Variants in OPCML observed in about 807,000 individuals in gnomAD.
OPCML encodes opioid-binding protein/cell adhesion molecule.
OPCML carries 13 observed loss-of-function variants against 37.8 expected under a neutral mutation model. The observed-to-expected ratio is 0.34, with a 90% CI of 0.22 to 0.55. OPCML has a LOEUF of 0.55. OPCML is among the 20% of genes least tolerant of loss of function. OPCML has a pLI of 0.91. For missense variants in OPCML, 341 were observed against 435.6 expected, an observed-to-expected ratio of 0.78 and a Z score of 1.93; for synonymous variants, 176 against 168.8, an observed-to-expected ratio of 1.04 and a Z score of -0.33.
intron 2 of OPCML, among the ~76,000 whole-genome samples, chr11:132,849,038 C>T (rs1476965091): frequency 6.6e-6 from 1 of 152,188 alleles, no homozygotes; most frequent in East Asian, 1.9e-4. Flanking sequence ...GGGACCACAG[C>T]ATGATGATGA....
chr11:132,599,401 G>T (rs1212417802), intron 3 of OPCML, among the ~76,000 whole-genome samples: 1 of 146,698 alleles, frequency 6.8e-6, no homozygotes, highest in Admixed American at 6.8e-5. Flanking sequence ...GGAAGAAGGA[G>T]GAAGAAGGAG....
chr11:132,853,872 T>G (rs796759816), intron 2 of OPCML, among the ~76,000 whole-genome samples: 15 of 151,998 alleles, frequency 9.9e-5, no homozygotes, highest in African/African-American at 3.1e-4. Context: ...GTGCAGGGAG[T>G]TTTCCCCACT....
intron 1 of OPCML, among the ~76,000 whole-genome samples, chr11:133,333,500 G>T (rs975551225): frequency 2.0e-5 from 3 of 152,156 alleles, no homozygotes; most frequent in African/African-American, 7.2e-5. Context: ...AACTCAAGAT[G>T]AATTAAAGGC....
chr11:133,483,670 TAGATGATA>T (rs1159824922), intron 1 of OPCML, among the ~76,000 whole-genome samples: 1 of 140,286 alleles, frequency 7.1e-6, no homozygotes, highest in African/African-American at 2.7e-5. Flanking sequence ...ATTAGATAAA[TAGATGATA>T]GATAGATAGA....
intron 3 of OPCML, among the ~76,000 whole-genome samples, chr11:132,627,845 C>A (rs1157664745): frequency 6.6e-6 from 1 of 152,148 alleles, no homozygotes; most frequent in Admixed American, 6.5e-5. Context: ...AATCGAAGCT[C>A]ATTTCCATAA....
At chr11:132,500,782 C>T (rs576829021) in intron 4 of OPCML, among the ~76,000 whole-genome samples, 8 of 152,160 alleles carry the variant, frequency 5.3e-5, no homozygotes, top group Non-Finnish European at 1.2e-4. Flanking sequence ...TCATCTCCCA[C>T]TTATGAGTGA....
intron 2 of OPCML, among the ~76,000 whole-genome samples, chr11:132,781,954 A>ATATAT (rs1276466419): frequency 4.6e-5 from 5 of 107,774 alleles, no homozygotes; most frequent in Admixed American, 2.0e-4. Flanking sequence ...ATATATATAT[A>ATATAT]TTTTTTTTTT....
chr11:133,007,689 G>A (rs1947138230), intron 1 of OPCML: 8 of 985,260 alleles, frequency 8.1e-6, no homozygotes, highest in Non-Finnish European at 9.6e-6. Context: ...GAGAGATGAA[G>A]AAATTAAGCC....
intron 3 of OPCML, among the ~76,000 whole-genome samples, chr11:132,638,963 C>A (rs187103231): frequency 6.6e-6 from 1 of 152,230 alleles, no homozygotes. Context: ...TTCTGCGCAG[C>A]GGGTAGGAAG....
chr11:133,188,539 A>G (rs1459357174), intron 1 of OPCML, among the ~76,000 whole-genome samples: 1 of 152,228 alleles, frequency 6.6e-6, no homozygotes, highest in Admixed American at 6.5e-5. Context: ...AATTAAAAAA[A>G]AGTTTGAGAT....
intron 1 of OPCML, among the ~76,000 whole-genome samples, chr11:133,521,461 C>A (rs1328981473): frequency 6.6e-6 from 1 of 152,248 alleles, no homozygotes; most frequent in African/African-American, 2.4e-5. Context: ...GTGACCCAAT[C>A]TTCATGGACA....
At chr11:132,951,712 C>A (rs7942643) in intron 1 of OPCML, among the ~76,000 whole-genome samples, 95,462 of 152,086 alleles carry the variant, frequency 0.63, 30,516 homozygotes, top group East Asian at 0.72. Flanking sequence ...TCTCTGTGGG[C>A]AGATAAGCTG....
chr11:132,866,223 T>C (rs1942544010), intron 2 of OPCML, among the ~76,000 whole-genome samples: 1 of 152,248 alleles, frequency 6.6e-6, no homozygotes, highest in South Asian at 2.1e-4. Context: ...ACATAAATTG[T>C]TTCATTCCTG....
chr11:132,939,303 G>T (rs746745490), intron 2 of OPCML, among the ~76,000 whole-genome samples: 1 of 152,148 alleles, frequency 6.6e-6, no homozygotes, highest in Non-Finnish European at 1.5e-5. Context: ...AATCCCCACT[G>T]CTCAGATTAT....
intron 2 of OPCML, among the ~76,000 whole-genome samples, chr11:132,900,275 A>G (rs957819747): frequency 1.3e-5 from 2 of 152,268 alleles, no homozygotes; most frequent in Non-Finnish European, 1.5e-5. Context: ...AGGCCAGTCA[A>G]AAAATGGGGT....
chr11:133,330,350 G>T (rs1176159134), intron 1 of OPCML, among the ~76,000 whole-genome samples: 2 of 152,142 alleles, frequency 1.3e-5, no homozygotes, highest in African/African-American at 4.8e-5. Context: ...ATACCCAAAG[G>T]ATTATAAATC....
intron 1 of OPCML, among the ~76,000 whole-genome samples, chr11:133,242,949 CA>C: frequency 6.6e-6 from 1 of 152,166 alleles, no homozygotes; most frequent in South Asian, 2.1e-4. Flanking sequence ...ATAAGTCAAA[CA>C]AAATCAGGCA....
chr11:133,365,474 A>G (rs970146557), intron 1 of OPCML: 1 of 152,110 alleles, frequency 6.6e-6, no homozygotes, highest in Non-Finnish European at 1.5e-5. Flanking sequence ...ATAAGGTGCT[A>G]ATCCCATCCA....
chr11:132,629,240 G>C (rs1011276597), intron 3 of OPCML, among the ~76,000 whole-genome samples: 1 of 152,040 alleles, frequency 6.6e-6, no homozygotes, highest in Non-Finnish European at 1.5e-5. Context: ...CTTCTTCCTC[G>C]TGACAGTCAT....
Sources: allele counts gnomAD v4.1 joint callset (sites outside exome capture counted in the v4.1 genomes callset), GRCh38; gene constraint gnomAD v4.1.1; transcripts MANE v1.5; gene names NCBI Gene and HGNC (gene_info 2026-07-23, HGNC 2026-07-21).